Variants in PLEKHH3 observed in about 807,000 individuals in gnomAD.
PLEKHH3 encodes pleckstrin homology domain-containing family H member 3.
In PLEKHH3, 57 loss-of-function variants were observed where a neutral mutation model predicts 77.8. That is an observed-to-expected ratio of 0.73 (90% CI 0.59 to 0.91). PLEKHH3 has a LOEUF of 0.91. Ranked by LOEUF, PLEKHH3 falls within the 40% of genes least tolerant of loss-of-function variation. The pLI, the probability that PLEKHH3 is intolerant of heterozygous loss-of-function variation, is 0.00. For missense variants in PLEKHH3, 1,082 were observed against 1,091.2 expected (o/e 0.99, Z 0.12); for synonymous variants, 467 against 504.8 (o/e 0.93, Z 1.00).
In PLEKHH3 at chr17:42,674,659, CA is replaced by C. The variant is rs2052783309; in HGVS notation, c.163-251del. 7.6e-6 allele frequency: 3 copies of C among 396,154 alleles called. No individual in the cohort carries two copies. The East Asian group carries it at 1.1e-4, about 14-fold the overall frequency. 24.5% of individuals were successfully genotyped at this position (396,154 alleles called of 1,614,324 possible). Reference sequence around the variant, plus strand: ...CTCAGTTACCCTTTGAAAATACAATCAGGGGTAGGGTAGGGTGGAAAGAGCA... The same window carrying C: ...CTCAGTTACCCTTTGAAAATACAATCGGGGTAGGGTAGGGTGGAAAGAGCA... On this transcript the variant is annotated intron_variant, in intron 1 of 12. Transcript: ENST00000591022.
intron 9 of PLEKHH3, 35 bp from the exon 10 acceptor site, chr17:42,670,740 A>G (rs1233225468): frequency 1.9e-6 from 3 of 1,592,142 alleles, no homozygotes; most frequent in African/African-American, 1.3e-5. Context: ...GCTAGGGAGA[A>G]GCCGGACCCC....
intron 12 of PLEKHH3, 130 bp downstream of exon 12, chr17:42,669,300 C>T: frequency 1.1e-6 from 1 of 906,556 alleles, no homozygotes; most frequent in Non-Finnish European, 1.5e-6. Context: ...TAAGCTCCTT[C>T]AGCTTGTCTG....
Position 42,672,091 on chromosome 17 carries a change from C to T in PLEKHH3, c.1071G>A (p.Leu357=). Residue 357 remains leucine, a synonymous_variant, in exon 7 of 13, where the codon TTG becomes TTA. Coordinates refer to ENST00000591022, the MANE Select transcript of PLEKHH3 (RefSeq NM_024927.5). ...GAVRGHLLGH[L]ERTEQALPDS... ...CCCCACCTCGCCCCTCTCACCTCTCCAAGTGCCCCAGGAGGTGCCCCCGCA... is the reference window on the plus strand; with the variant it reads ...CCCCACCTCGCCCCTCTCACCTCTCTAAGTGCCCCAGGAGGTGCCCCCGCA... The T allele has an allele frequency of 1.4e-6, 2 of 1,479,340 alleles. No homozygotes were observed. The highest frequency in any genetic ancestry group is 1.8e-6 in the Non-Finnish European group (2 of 1,108,830). 91.6% of individuals were successfully genotyped at this position (1,479,340 alleles called of 1,614,324 possible). A position where few individuals can be genotyped will look rare whatever the true frequency, so the allele number is the denominator to read the frequency against.
chr17:42,668,195 G>GA lies in PLEKHH3; in HGVS notation c.2313dup (p.Pro772SerfsTer45). The GA allele has an allele frequency of 6.4e-7, 1 of 1,558,044 alleles. No individual in the cohort carries two copies. The highest frequency in any genetic ancestry group is 8.6e-7 in the Non-Finnish European group (1 of 1,158,228). ...TCGTCCAGGCCCGGGCGCTGGCTGG[G>GA]AGGGGAGGTGTCTGGCAGGTCTTGG... On this transcript the variant is annotated frameshift_variant, in exon 13 of 13. Coordinates refer to ENST00000591022, the MANE Select transcript of PLEKHH3 (RefSeq NM_024927.5). LOFTEE classifies it high-confidence loss of function.
Position 42,671,106 on chromosome 17 carries a change from G to A in PLEKHH3, c.1309C>T (p.Leu437=), listed in dbSNP as rs749603837. Reference sequence around the variant, plus strand: ...GCGTTGCGGCTCCGGGCCAAGCCCAGCCGCCCCACCAGCTCTCGAGCCACC... The same window carrying A: ...GCGTTGCGGCTCCGGGCCAAGCCCAACCGCCCCACCAGCTCTCGAGCCACC... The part of the protein sequence containing the change: ...GEVARELVGR[L]GLARSRNAFA... Residue 437 remains leucine (L), a synonymous_variant, in exon 9 of 13, where the codon CTG becomes TTG. Coordinates refer to ENST00000591022, the MANE Select transcript of PLEKHH3 (RefSeq NM_024927.5). The surrounding 1 kb of genome is among the most constrained non-coding windows in gnomAD (Gnocchi z 4.7). 1.3e-6 allele frequency: 2 copies of A among 1,595,198 alleles called. No individual in the cohort carries two copies. Among genetic ancestry groups the A allele is most frequent in the Non-Finnish European group, 1.7e-6 (2 of 1,169,402 alleles).
At position 42,673,182 on chromosome 17, in the gene PLEKHH3, C is replaced by A. The variant is rs1444091051; in HGVS notation, c.763G>T (p.Ala255Ser). ...GGGCCATGGGACCACTCACCTGGGG[C>A]GCTGACTCCATAGGGCAGGGGCAGG... is the stretch of plus-strand genomic sequence containing the variant. The part of the protein sequence containing the change: ...PLLPLPYGVS[A>S]PGPGYAPLRE... The change falls in exon 6 of 13, where the codon GCC becomes TCC. Residue 255 changes from alanine (A) to serine (S), a missense_variant. Ala to Ser is a moderately conservative substitution (Grantham distance 99). Transcript: ENST00000591022. The A allele has an allele frequency of 3.3e-6, 5 of 1,522,066 alleles. No individual in the cohort carries two copies. Among genetic ancestry groups the A allele is most frequent in the Non-Finnish European group, 4.4e-6 (5 of 1,136,918 alleles). The allele number at this position is 1,522,066 out of a possible 1,614,324, so 94.3% of individuals were successfully genotyped here. A position where few individuals can be genotyped will look rare whatever the true frequency, so the allele number is the denominator to read the frequency against.
In PLEKHH3 at chr17:42,676,168, C is replaced by T; in HGVS notation, c.162+234G>A. 2 of 1,381,392 alleles carry T rather than the reference C, an allele frequency of 1.4e-6. No individual in the cohort carries two copies. The highest frequency in any genetic ancestry group is 1.9e-6 in the Non-Finnish European group (2 of 1,067,118). 85.6% of individuals were successfully genotyped at this position (1,381,392 alleles called of 1,614,324 possible). On this transcript the variant is annotated intron_variant, in intron 1 of 12. Transcript: ENST00000591022. This position sits in a 1 kb window ranked among gnomAD's most constrained non-coding sequence, Gnocchi z 6.6. ...GCCACGCGTGACGCCTCCCCTGCCT[C>T]AGGGCCCCCAGCAGGTGGATAGCGC...
chr17:42,668,811 A>ATTT (rs201653271), intron 12 of PLEKHH3: 39,228 of 107,450 alleles, frequency 0.37, 5,649 homozygotes, highest in East Asian at 0.6. Flanking sequence ...CTCTTCTAAC[A>ATTT]TTTTTTTTTG....
chr17:42,669,662 C>A (rs1163875207), intron 11 of PLEKHH3, 41 bp from the exon 12 acceptor site: 2 of 1,572,156 alleles, frequency 1.3e-6, no homozygotes, highest in African/African-American at 1.4e-5. Flanking sequence ...AGGAGGAGCC[C>A]AGCGTTATTT....
At position 42,671,438 on chromosome 17, in the gene PLEKHH3, GCTCAACGCGGAAAT is replaced by G; in HGVS notation, c.1183_1196del (p.Ile395ProfsTer74). The G allele has an allele frequency of 6.2e-7, 1 of 1,613,176 alleles. No individual in the cohort carries two copies. The highest frequency in any genetic ancestry group is 8.5e-7 in the Non-Finnish European group (1 of 1,180,014). ...CGGTACACAGCAGCTCCTGCCGTTGGCTCAACGCGGAAATCTCCGCCAGCGAGGGCACCAGCTCT... is the reference window on the plus strand; with the variant it reads ...CGGTACACAGCAGCTCCTGCCGTTGGCTCCGCCAGCGAGGGCACCAGCTCT... On this transcript the variant is annotated frameshift_variant, in exon 8 of 13. Transcript: ENST00000591022. LOFTEE classifies it high-confidence loss of function. This position sits in a 1 kb window ranked among gnomAD's most constrained non-coding sequence, Gnocchi z 4.7.
At chr17:42,668,446 ACTCT>A (rs2052604949) in intron 12 of PLEKHH3, 143 bp from the exon 13 acceptor site, 1 of 582,154 alleles carries the variant, frequency 1.7e-6, no homozygotes, top group Non-Finnish European at 2.6e-6. Context: ...CCTTATCACC[ACTCT>A]CTCCTTCATT....
rs938451676 is a variant in PLEKHH3 at position 42,671,394 on chromosome 17, C to A, written c.1241G>T (p.Gly414Val). The change falls in exon 8 of 13, where the codon GGT (glycine) becomes GTT (valine). Residue 414 changes from glycine (G) to valine (V), a missense_variant. Coordinates refer to ENST00000591022, the MANE Select transcript of PLEKHH3 (RefSeq NM_024927.5). The surrounding 1 kb of genome is among the most constrained non-coding windows in gnomAD (Gnocchi z 4.7). ...LLCTVHCPGA[G>V]ACAVAIDSHT... is the part of the protein sequence containing the mutation. ...GGAGTCGATGGCCACAGCACAGGCA[C>A]CAGCCCCCGGACAGTGCACGGTACA... The A allele has an allele frequency of 1.9e-6, 3 of 1,612,956 alleles. No individual in the cohort carries two copies. The African/African-American group carries it at 4.0e-5, about 22-fold the overall frequency.
In PLEKHH3 at chr17:42,670,579, A is replaced by C; in HGVS notation, c.1548T>G (p.Phe516Leu). The stretch of plus-strand genomic sequence containing the variant: ...GAACGCCGGAGAGCCTCACCTGCTC[A>C]AAGAGGAAAGGCAGTTCGTGACCGT... ...SPDGHELPFL[F>L]EQAHALLLRG... The change falls in exon 10 of 13, where the codon TTT becomes TTG. Residue 516 changes from phenylalanine (F) to leucine (L), a missense_variant. Transcript: ENST00000591022. The C allele has an allele frequency of 1.2e-6, 2 of 1,608,606 alleles. No individual in the cohort carries two copies. Among genetic ancestry groups the C allele is most frequent in the Non-Finnish European group, 1.7e-6 (2 of 1,176,334 alleles).
Position 42,676,606 on chromosome 17 carries a change from G to C in PLEKHH3, c.-43C>G. On this transcript the variant is annotated 5_prime_UTR_variant, in exon 1 of 13. Transcript: ENST00000591022. The surrounding 1 kb of genome is among the most constrained non-coding windows in gnomAD (Gnocchi z 6.6). ...GATGGGGGCGCGGGCAGCCGCGGCC[G>C]AGCAGTAGGGGGTCGGAGGAACTGG... The C allele has an allele frequency of 2.0e-6, 3 of 1,534,092 alleles. No homozygotes were observed. The highest frequency in any genetic ancestry group is 2.6e-6 in the Non-Finnish European group (3 of 1,139,864).
In PLEKHH3 at chr17:42,676,961, CCG is replaced by C; in HGVS notation, c.-400_-399del. ...GGGCGTCCGGTGGCCGGGGCCCGGG[CCG>C]CGCGCGCTGCGCTCCCTGCAGCCCC... On this transcript the variant is annotated 5_prime_UTR_variant, in exon 1 of 13. Transcript: ENST00000591022. The surrounding 1 kb of genome is among the most constrained non-coding windows in gnomAD (Gnocchi z 6.6). 5.7e-6 allele frequency: 1 copy of C among 174,610 alleles called. No individual in the cohort carries two copies. The highest frequency in any genetic ancestry group is 1.2e-5 in the Non-Finnish European group (1 of 83,310). The allele number at this position is 174,610 out of a possible 1,614,324, so 10.8% of individuals were successfully genotyped here.
chr17:42,669,328 C>T (rs2081035286), intron 12 of PLEKHH3, 102 bp downstream of exon 12: 12 of 1,210,026 alleles, frequency 9.9e-6, no homozygotes, highest in Non-Finnish European at 1.3e-5. Context: ...TGCTGGATCC[C>T]CAGTGCTTAG....
rs958143374 is a variant in PLEKHH3 at position 42,674,371 on chromosome 17, G to T, written c.201C>A (p.Ser67Arg). Residue 67 changes from serine to arginine, a missense_variant, in exon 2 of 13, where the codon AGC (serine) becomes AGA (arginine). This residue lies in a region of PLEKHH3 where 344 missense variants were observed against 320.8 expected (regional missense o/e 1.07). Coordinates refer to ENST00000591022, the MANE Select transcript of PLEKHH3 (RefSeq NM_024927.5). The stretch of plus-strand genomic sequence containing the variant: ...TAGCTCACCTGTTGGAGACAGGCCC[G>T]CTCCTCACTGGCTGAGTCAGCGTCA... ...LEVTLTQPVR[S>R]GPVSNRLQSW... 4.4e-6 allele frequency: 7 copies of T among 1,593,084 alleles called. No homozygotes were observed. Among genetic ancestry groups the T allele is most frequent in the African/African-American group, 1.3e-5 (1 of 74,214 alleles).
At position 42,673,501 on chromosome 17, in the gene PLEKHH3, T is replaced by C; in HGVS notation, c.546A>G (p.Pro182=). The C allele has an allele frequency of 6.2e-7, 1 of 1,608,288 alleles. No homozygotes were observed. Among genetic ancestry groups the C allele is most frequent in the African/African-American group, 1.3e-5 (1 of 74,800 alleles). The change falls in exon 5 of 13, where the codon CCA becomes CCG. Residue 182 remains proline, a synonymous_variant. Transcript: ENST00000591022. ...GRKHSVRLCS[P]RQAEAERWGV... Reference sequence around the variant, plus strand: ...CCCAGCGCTCAGCCTCTGCCTGGCGTGGGGAGCAGAGGCGGACACTGTGTT... The same window carrying C: ...CCCAGCGCTCAGCCTCTGCCTGGCGCGGGGAGCAGAGGCGGACACTGTGTT...
At position 42,673,221 on chromosome 17, in the gene PLEKHH3, A is replaced by G. The variant is rs777370919; in HGVS notation, c.724T>C (p.Leu242=). ...GGCAGGGGCAGGAGTGGGGCATACA[A>G]GGCTCCACTAGTGTGTCTCAGAATC... is the stretch of plus-strand genomic sequence containing the variant. ...NPILRHTSGA[L]YAPLLPLPYG... The change falls in exon 6 of 13, where the codon TTG becomes CTG. Residue 242 remains leucine, a synonymous_variant. Transcript: ENST00000591022. The G allele has an allele frequency of 1.5e-5, 23 of 1,569,052 alleles. No homozygotes were observed. The highest frequency in any genetic ancestry group is 2.3e-5 in the East Asian group (1 of 44,308).
Sources: gnomAD v4.1 joint callset for allele counts on GRCh38, gnomAD v4.1.1 for gene constraint, gnomAD v4.1.1 regional missense constraint, Gnocchi (gnomAD v3.1) non-coding constraint, MANE v1.5 for transcripts, NCBI Gene and HGNC (gene_info 2026-07-23, HGNC 2026-07-21) for gene names.